Variants in SOS2 observed in about 807,000 individuals in gnomAD.
SOS2 encodes SOS Ras/Rho guanine nucleotide exchange factor 2, also known as son of sevenless homolog 2.
SOS2 carries 65 observed loss-of-function variants against 148.2 expected under a neutral mutation model. The ratio of observed to expected loss-of-function variants is 0.44; its 90% CI spans 0.36 to 0.54. The LOEUF is 0.54. Ranked by LOEUF, SOS2 falls within the 20% of genes least tolerant of loss-of-function variation. The pLI, the probability that SOS2 is intolerant of heterozygous loss-of-function variation, is 0.00. For synonymous variants in SOS2, 539 were observed against 537.1 expected (o/e 1.00, Z -0.05); for missense variants, 1,341 against 1,590.2 (o/e 0.84, Z 2.67).
chr14:50,184,089 A>G (rs1397184055), intron 5 of SOS2, among the ~76,000 whole-genome samples: 1 of 152,218 alleles, frequency 6.6e-6, no homozygotes, highest in East Asian at 1.9e-4. Flanking sequence ...AAGGTACAGT[A>G]AAAATATAGT....
chr14:50,161,789 C>CT lies in SOS2; in HGVS notation c.1069-181dup, dbSNP rs36219580. Among the ~76,000 whole-genome samples the CT allele has an allele frequency of 0.023, 3,167 of 135,206 alleles. 87 individuals carry two copies. The highest frequency in any genetic ancestry group is 0.068 in the African/African-American group (2,453 of 36,292). The allele number at this position is 135,206 out of a possible 152,430, so 88.7% of individuals were successfully genotyped here. A position where few individuals can be genotyped will look rare whatever the true frequency, so the allele number is the denominator to read the frequency against. ...CCTCTCAAACCAACCCTTTTTCTTT[C>CT]TTTTTTTTTTTTTTTTTTGAAACAG... On this transcript the variant is annotated intron_variant, in intron 8 of 22. Transcript: ENST00000216373.
At chr14:50,169,186 C>A (rs957472327) in intron 8 of SOS2, among the ~76,000 whole-genome samples, 1 of 151,322 alleles carries the variant, frequency 6.6e-6, no homozygotes, top group Admixed American at 6.6e-5. Flanking sequence ...CATGGTAGCA[C>A]GCATCTGTAA....
At chr14:50,157,594 C>T (rs567234222) in intron 11 of SOS2, among the ~76,000 whole-genome samples, 1 of 152,214 alleles carries the variant, frequency 6.6e-6, no homozygotes, top group East Asian at 1.9e-4. Context: ...ATAGGAAATA[C>T]AGCTAAACTA....
At chr14:50,125,674 G>C (rs1466334242) in intron 21 of SOS2, among the ~76,000 whole-genome samples, 1 of 152,174 alleles carries the variant, frequency 6.6e-6, no homozygotes, top group Non-Finnish European at 1.5e-5. Flanking sequence ...GGATTCAGGA[G>C]CTAAAGGCAT....
chr14:50,180,317 T>C (rs572641815), intron 7 of SOS2, among the ~76,000 whole-genome samples: 2 of 146,248 alleles, frequency 1.4e-5, no homozygotes, highest in South Asian at 2.3e-4. Flanking sequence ...TTCATCTTTA[T>C]ACCCCAGATC....
At position 50,130,513 on chromosome 14, in the gene SOS2, T is replaced by A; in HGVS notation, c.3325A>T (p.Asn1109Tyr). ...ATCAAATACTTACCACAGGAGCTGT[T>A]GAGATCCACATCTAAAAATACACTA... The part of the protein sequence containing the change: ...DLSVFLDVDL[N>Y]SSCGSNSIFA... The change falls in exon 20 of 23, where the codon AAC (asparagine) becomes TAC (tyrosine). Residue 1109 changes from asparagine (N) to tyrosine (Y), a missense_variant. Transcript: ENST00000216373. 2 of 1,613,336 alleles carry A rather than the reference T, an allele frequency of 1.2e-6. No individual in the cohort carries two copies. Among genetic ancestry groups the A allele is most frequent in the Non-Finnish European group, 1.7e-6 (2 of 1,179,310 alleles).
At chr14:50,225,846 C>A (rs1876422126) in intron 1 of SOS2, among the ~76,000 whole-genome samples, 1 of 152,136 alleles carries the variant, frequency 6.6e-6, no homozygotes, top group South Asian at 2.1e-4. Context: ...TATTCTCAGG[C>A]AGAGACCTTA....
intron 18 of SOS2, among the ~76,000 whole-genome samples, chr14:50,137,761 AT>A (rs1434882065): frequency 3.9e-5 from 6 of 152,208 alleles, no homozygotes; most frequent in African/African-American, 1.4e-4. Flanking sequence ...TAATCCCATC[AT>A]GGAGAGTGGG....
At chr14:50,223,316 C>G (rs778537169) in intron 1 of SOS2, among the ~76,000 whole-genome samples, 23 of 152,102 alleles carry the variant, frequency 1.5e-4, no homozygotes, top group Non-Finnish European at 2.9e-4. Flanking sequence ...AGGAGGAATG[C>G]TTGGGCCCAG....
At chr14:50,204,907 T>TTCTTA in intron 1 of SOS2, among the ~76,000 whole-genome samples, 1 of 143,536 alleles carries the variant, frequency 7.0e-6, no homozygotes, top group African/African-American at 2.6e-5. Flanking sequence ...TTTCTTTCTT[T>TTCTTA]TTTTTTTTAA....
At chr14:50,204,686 A>G (rs1886604773) in intron 1 of SOS2, among the ~76,000 whole-genome samples, 1 of 152,180 alleles carries the variant, frequency 6.6e-6, no homozygotes, top group African/African-American at 2.4e-5. Context: ...AAACTATTCT[A>G]TACAATTTCA....
At chr14:50,124,083 G>C (rs1883609831) in intron 21 of SOS2, among the ~76,000 whole-genome samples, 1 of 152,182 alleles carries the variant, frequency 6.6e-6, no homozygotes, top group Non-Finnish European at 1.5e-5. Context: ...TAAGGTTTGA[G>C]ATTCCTATTA....
intron 4 of SOS2, among the ~76,000 whole-genome samples, chr14:50,191,953 C>A (rs1173580162): frequency 6.6e-6 from 1 of 151,940 alleles, no homozygotes; most frequent in Non-Finnish European, 1.5e-5. Flanking sequence ...GAGTTCAAGA[C>A]CAGCCTGGGC....
At position 50,188,487 on chromosome 14, in the gene SOS2, AG is replaced by A. The variant is rs747813596; in HGVS notation, c.714+9del. 5.7e-6 allele frequency: 9 copies of A among 1,570,688 alleles called. No individual in the cohort carries two copies. In the South Asian group the frequency reaches 1.0e-4, roughly 18 times the overall value. On this transcript the variant is annotated intron_variant, in intron 5 of 22. Coordinates refer to ENST00000216373, the MANE Select transcript of SOS2 (RefSeq NM_006939.4). ...GGTACACAGAATTTCAAACCCAAAA[AG>A]GTACTTACAGAAGGTTTAAACAGCT...
At chr14:50,187,257 C>T (rs921905737) in intron 5 of SOS2, among the ~76,000 whole-genome samples, 7 of 152,004 alleles carry the variant, frequency 4.6e-5, no homozygotes, top group Non-Finnish European at 7.4e-5. Flanking sequence ...AGCAATCCTC[C>T]TGTCTCAGGT....
intron 1 of SOS2, among the ~76,000 whole-genome samples, chr14:50,220,401 A>G (rs1863602842): frequency 1.4e-5 from 2 of 143,960 alleles, no homozygotes; most frequent in African/African-American, 2.6e-5. Flanking sequence ...GCGAGACTCC[A>G]TCTCAAAAAA....
chr14:50,125,012 G>A (rs1043118828), intron 21 of SOS2, among the ~76,000 whole-genome samples: 23 of 152,084 alleles, frequency 1.5e-4, no homozygotes, highest in African/African-American at 5.6e-4. Context: ...CAGTGTTATG[G>A]GTTGAATTGT....
chr14:50,147,465 T>C (rs1011220790), intron 14 of SOS2, among the ~76,000 whole-genome samples: 1 of 146,024 alleles, frequency 6.8e-6, no homozygotes, highest in Non-Finnish European at 1.5e-5. Context: ...TGAGCTATGA[T>C]TGTGCCACTG....
At chr14:50,221,205 T>C (rs1175983666) in intron 1 of SOS2, among the ~76,000 whole-genome samples, 2 of 152,262 alleles carry the variant, frequency 1.3e-5, no homozygotes, top group Non-Finnish European at 2.9e-5. Context: ...GATTTTTTTT[T>C]CTAATTTATG....
Sources: allele counts gnomAD v4.1 joint callset (sites outside exome capture counted in the v4.1 genomes callset), GRCh38; gene constraint gnomAD v4.1.1; transcripts MANE v1.5; gene names NCBI Gene and HGNC (gene_info 2026-07-23, HGNC 2026-07-21).